FAF1: variants seen among roughly 807,000 people sequenced by gnomAD.
FAF1 encodes FAS-associated factor 1.
A neutral mutation model predicts 92.5 loss-of-function variants in FAF1; 25 were observed. The ratio of observed to expected loss-of-function variants is 0.27; its 90% CI spans 0.20 to 0.38. The LOEUF (loss-of-function observed/expected upper bound fraction) is 0.38, where lower values mean the gene tolerates loss of function less well. FAF1 is among the 10% of genes least tolerant of loss of function. FAF1 has a pLI of 1.00. For synonymous variants in FAF1, 234 were observed against 273.2 expected (o/e 0.86, Z 1.42); for missense variants, 636 against 793.3 (o/e 0.80, Z 2.38).
At chr1:50,908,464 T>C (rs990809615) in intron 1 of FAF1, among the ~76,000 whole-genome samples, 12 of 152,118 alleles carry the variant, frequency 7.9e-5, no homozygotes, top group Non-Finnish European at 1.3e-4. Flanking sequence ...CTAATGTTGA[T>C]AGTGGGGTGT....
chr1:50,458,138 G>A (rs1260592296), intron 18 of FAF1, among the ~76,000 whole-genome samples: 1 of 152,074 alleles, frequency 6.6e-6, no homozygotes, highest in African/African-American at 2.4e-5. Context: ...GCTTAAACCT[G>A]GGAGGCAGAG....
chr1:50,755,097 C>T (rs1660024033), intron 4 of FAF1, among the ~76,000 whole-genome samples: 1 of 152,114 alleles, frequency 6.6e-6, no homozygotes, highest in African/African-American at 2.4e-5. Flanking sequence ...CATGCCTTCC[C>T]AACAGTCCCC....
intron 8 of FAF1, among the ~76,000 whole-genome samples, chr1:50,631,068 G>GC (rs1428709623): frequency 2.0e-5 from 3 of 151,880 alleles, no homozygotes; most frequent in African/African-American, 7.3e-5. Context: ...GGGATTATAG[G>GC]CATGAGCCAC....
At chr1:50,452,069 G>GA (rs770969695) in intron 18 of FAF1, 43 of 1,334,554 alleles carry the variant, frequency 3.2e-5, no homozygotes, top group Admixed American at 4.1e-5. Context: ...GAATGGGGAG[G>GA]AAAAAACCGT....
At chr1:50,942,153 T>A (rs945526738) in intron 1 of FAF1, among the ~76,000 whole-genome samples, 1 of 152,200 alleles carries the variant, frequency 6.6e-6, no homozygotes, top group Non-Finnish European at 1.5e-5. Context: ...AGATGGCATA[T>A]AACAATTAGA....
At position 50,440,087 on chromosome 1, in the gene FAF1, C is replaced by G. The variant is rs548009364; in HGVS notation, c.*1353G>C. On this transcript the variant is annotated 3_prime_UTR_variant, in exon 19 of 19. Transcript: ENST00000396153. ...CTTGGCCGAGGCTGGGGGAACAAAC[C>G]CAGCATTTGAACTCTTTTTTGGACA... 6.6e-6 allele frequency: 1 copy of G among 152,140 alleles called. No individual in the cohort carries two copies. Among genetic ancestry groups the G allele is most frequent in the South Asian group, 2.1e-4 (1 of 4,822 alleles). 9.4% of individuals were successfully genotyped at this position (152,140 alleles called of 1,614,324 possible).
Position 50,738,893 on chromosome 1 carries a change from A to C in FAF1, c.521T>G (p.Leu174Trp). The C allele has an allele frequency of 6.2e-7, 1 of 1,609,938 alleles. No individual in the cohort carries two copies. Among genetic ancestry groups the C allele is most frequent in the Non-Finnish European group, 8.5e-7 (1 of 1,177,486 alleles). ...ATGACTAGATGATGAAGGTGGTGGCAAATCTGGTGTAAGGACATAAAGACT... is the reference window on the plus strand; with the variant it reads ...ATGACTAGATGATGAAGGTGGTGGCCAATCTGGTGTAAGGACATAAAGACT... ...NNSLYVLTPD[L>W]PPPSSSSHAG... The change falls in exon 6 of 19, where the codon TTG becomes TGG. Residue 174 changes from leucine (L) to tryptophan (W), a missense_variant. Physicochemically the swap from Leu to Trp is moderately conservative, Grantham distance 61. Transcript: ENST00000396153.
At chr1:50,941,446 A>T (rs1645132139) in intron 1 of FAF1, among the ~76,000 whole-genome samples, 3 of 152,102 alleles carry the variant, frequency 2.0e-5, no homozygotes, top group Admixed American at 6.6e-5. Context: ...GGGACTCCTG[A>T]TCTCAAGTGA....
chr1:50,594,334 T>C (rs1053502655), intron 9 of FAF1, among the ~76,000 whole-genome samples: 14 of 151,202 alleles, frequency 9.3e-5, no homozygotes, highest in Admixed American at 6.6e-5. Context: ...AAAAAAAAAT[T>C]ATAGTTTAAA....
At chr1:50,910,115 G>T (rs1166241431) in intron 1 of FAF1, among the ~76,000 whole-genome samples, 2 of 152,212 alleles carry the variant, frequency 1.3e-5, no homozygotes, top group Non-Finnish European at 2.9e-5. Context: ...AGGACCCTCA[G>T]TTGCAAGTCT....
At chr1:50,811,561 G>A (rs948526514) in intron 2 of FAF1, among the ~76,000 whole-genome samples, 1 of 152,052 alleles carries the variant, frequency 6.6e-6, no homozygotes, top group African/African-American at 2.4e-5. Context: ...TATCACACAT[G>A]ACACAAAGAA....
rs1455238975 is a variant in FAF1, at chr1:50,769,461, T to C, written c.367+18539A>G. Among the ~76,000 whole-genome samples the C allele has an allele frequency of 3.9e-5, 6 of 152,296 alleles. 1 individual carries two copies. The South Asian group carries it at 1.0e-3, about 26-fold the overall frequency. ...TCATTTTATGAGGCCAGCATCATCC[T>C]GACACCAAAACCTGGCAGAGACACA... On this transcript the variant is annotated intron_variant, in intron 4 of 18. Transcript: ENST00000396153.
chr1:50,912,961 CAACT>C (rs1472123682), intron 1 of FAF1, among the ~76,000 whole-genome samples: 1 of 152,198 alleles, frequency 6.6e-6, no homozygotes. Flanking sequence ...ACATTCAACT[CAACT>C]AACAGAAATG....
intron 3 of FAF1, among the ~76,000 whole-genome samples, chr1:50,794,789 AT>A (rs59806816): frequency 0.014 from 1,790 of 123,454 alleles, 22 homozygotes; most frequent in African/African-American, 0.042. Context: ...TCACCCAGCT[AT>A]TTTTTTTTTT....
intron 13 of FAF1, among the ~76,000 whole-genome samples, chr1:50,548,204 C>T (rs1649126914): frequency 1.3e-5 from 2 of 152,062 alleles, no homozygotes. Flanking sequence ...TTGTCTTTAG[C>T]ATAGTAAGAA....
At chr1:50,791,561 C>T (rs1363579305) in intron 3 of FAF1, among the ~76,000 whole-genome samples, 1 of 152,148 alleles carries the variant, frequency 6.6e-6, no homozygotes, top group Non-Finnish European at 1.5e-5. Flanking sequence ...CAGTATCACC[C>T]TGTAGGTCTT....
At chr1:50,783,248 G>A (rs1361076871) in intron 4 of FAF1, among the ~76,000 whole-genome samples, 1 of 152,062 alleles carries the variant, frequency 6.6e-6, no homozygotes, top group African/African-American at 2.4e-5. Flanking sequence ...AAAGAAACAT[G>A]CAGATGGTAA....
intron 5 of FAF1, among the ~76,000 whole-genome samples, chr1:50,741,276 C>T (rs780104444): frequency 2.0e-5 from 3 of 152,166 alleles, no homozygotes; most frequent in Non-Finnish European, 2.9e-5. Context: ...TGAATAGCAT[C>T]TGTCAGACAA....
At chr1:50,703,535 C>T (rs1468937855) in intron 7 of FAF1, among the ~76,000 whole-genome samples, 1 of 152,008 alleles carries the variant, frequency 6.6e-6, no homozygotes, top group East Asian at 1.9e-4. Context: ...GTAGCAACTG[C>T]ATTTATTTGT....
Sources: gnomAD v4.1 joint callset for allele counts (sites outside exome capture counted in the v4.1 genomes callset) on GRCh38, gnomAD v4.1.1 for gene constraint, MANE v1.5 for transcripts, NCBI Gene and HGNC (gene_info 2026-07-23, HGNC 2026-07-21) for gene names.